KDM5A: variants seen among roughly 807,000 people sequenced by gnomAD.
KDM5A encodes the protein lysine demethylase 5A.
KDM5A carries 42 observed loss-of-function variants against 193.5 expected under a neutral mutation model. The ratio of observed to expected loss-of-function variants is 0.22; its 90% confidence interval spans 0.17 to 0.28. The LOEUF (loss-of-function observed/expected upper bound fraction) is 0.28, where lower values mean the gene tolerates loss of function less well. KDM5A is among the 10% of genes least tolerant of loss of function. KDM5A has a pLI of 1.00. For synonymous variants in KDM5A, 796 were observed against 718.1 expected, an observed-to-expected ratio of 1.11 and a Z score of -1.73; for missense variants, 1,692 against 2,055.1, an observed-to-expected ratio of 0.82 and a Z score of 3.42.
chr12:345,246 C>A (rs1445363627), intron 10 of KDM5A, among the ~76,000 whole-genome samples: 2 of 152,174 alleles, frequency 1.3e-5, no homozygotes, highest in Non-Finnish European at 2.9e-5. Context: ...GCACCCAATA[C>A]AGGAGCACCC....
chr12:382,986 CAGTT>C (rs758761857), intron 3 of KDM5A, among the ~76,000 whole-genome samples: 37 of 151,398 alleles, frequency 2.4e-4, no homozygotes, highest in Admixed American at 3.3e-4. Context: ...GCTTGCAGGT[CAGTT>C]AGTTTTTTTT....
rs140336539 is a variant in KDM5A at position 281,773 on chromosome 12, T to C, written c.*3683A>G. The C allele has an allele frequency of 4.3e-6, 1 of 233,830 alleles. No individual in the cohort carries two copies. Among genetic ancestry groups the C allele is most frequent in the African/African-American group, 2.2e-5 (1 of 45,370 alleles). 14.5% of individuals were successfully genotyped at this position (233,830 alleles called of 1,614,324 possible). A position where few individuals can be genotyped will look rare whatever the true frequency, so the allele number is the denominator to read the frequency against. On this transcript the variant is annotated 3_prime_UTR_variant, in exon 28 of 28. Coordinates refer to ENST00000399788, the MANE Select transcript of KDM5A (RefSeq NM_001042603.3). The stretch of plus-strand genomic sequence containing the variant: ...GAAAGACAGGTCTTCTCAGTTTTTC[T>C]GTTCATCCTCCTACTGTAAGTACTG...
At position 285,209 on chromosome 12, in the gene KDM5A, A is replaced by G; in HGVS notation, c.*247T>C. 1 of 567,384 alleles carries G rather than the reference A, an allele frequency of 1.8e-6. No homozygotes were observed. Among genetic ancestry groups the G allele is most frequent in the Non-Finnish European group, 3.2e-6 (1 of 317,096 alleles). 35.1% of individuals were successfully genotyped at this position (567,384 alleles called of 1,614,324 possible). On this transcript the variant is annotated 3_prime_UTR_variant, in exon 28 of 28. Coordinates refer to ENST00000399788, the MANE Select transcript of KDM5A (RefSeq NM_001042603.3). Reference sequence around the variant, plus strand: ...TAAGCATCTGGCCTTAATGCAGTAAACCACACTCAAAGGAGACATGAAATA... The same window carrying G: ...TAAGCATCTGGCCTTAATGCAGTAAGCCACACTCAAAGGAGACATGAAATA...
chr12:365,376 A>G (rs1944345296), intron 4 of KDM5A, among the ~76,000 whole-genome samples: 2 of 152,210 alleles, frequency 1.3e-5, no homozygotes, highest in Admixed American at 1.3e-4. Flanking sequence ...CTCTGAAAAC[A>G]TTAGGCTAAG....
intron 8 of KDM5A, among the ~76,000 whole-genome samples, chr12:352,616 G>A (rs577636713): frequency 6.6e-6 from 1 of 152,296 alleles, no homozygotes; most frequent in South Asian, 2.1e-4. Context: ...CTACTGACTT[G>A]GAATCATGCC....
intron 25 of KDM5A, among the ~76,000 whole-genome samples, chr12:296,250 A>AG (rs1202242177): frequency 2.7e-5 from 4 of 150,046 alleles, no homozygotes; most frequent in African/African-American, 9.8e-5. Flanking sequence ...TGAACTAGGC[A>AG]GGGGGAGGTT....
intron 2 of KDM5A, 84 bp from the exon 3 acceptor site, chr12:384,237 G>T: frequency 3.0e-6 from 3 of 996,238 alleles, no homozygotes; most frequent in Admixed American, 3.5e-5. Context: ...ACCCCAGGAT[G>T]TGGACCAGTA....
Position 342,433 on chromosome 12 carries a change from T to C in KDM5A, c.1309-8011A>G, listed in dbSNP as rs188317742. On this transcript the variant is annotated intron_variant, in intron 10 of 27. Coordinates refer to ENST00000399788, the MANE Select transcript of KDM5A (RefSeq NM_001042603.3). ...TACCCACTCAGGTGTTGAAGGAAAC[T>C]TATTTCTGGACCTACCAATAAAATG... Among the ~76,000 whole-genome samples, 229 of 152,142 alleles carry C rather than the reference T, an allele frequency of 1.5e-3. 2 individuals are homozygous for C. The highest frequency in any genetic ancestry group is 5.3e-3 in the African/African-American group (222 of 41,554).
At chr12:337,166 G>A (rs942288846) in intron 10 of KDM5A, among the ~76,000 whole-genome samples, 54 of 152,156 alleles carry the variant, frequency 3.5e-4, no homozygotes, top group African/African-American at 1.2e-3. Flanking sequence ...CATGTAAGAC[G>A]TGCCTGCTTA....
Position 385,885 on chromosome 12 carries a change from C to CA in KDM5A, c.243+11dup. The CA allele has an allele frequency of 1.2e-6, 2 of 1,609,166 alleles. No individual in the cohort carries two copies. Among genetic ancestry groups the CA allele is most frequent in the Admixed American group, 3.3e-5 (2 of 59,988 alleles). On this transcript the variant is annotated intron_variant, in intron 2 of 27. Transcript: ENST00000399788. Reference sequence around the variant, plus strand: ...ATGAATCAGGAAGCAGAAATAGTGACAAAACACTTACCTCAAGTTCATTCA... The same window carrying CA: ...ATGAATCAGGAAGCAGAAATAGTGACAAAAACACTTACCTCAAGTTCATTCA...
intron 16 of KDM5A, 132 bp from the exon 17 acceptor site, chr12:322,699 A>G: frequency 1.3e-6 from 1 of 771,402 alleles, no homozygotes. Context: ...AGAAACAAAC[A>G]GCTGTGAAAA....
intron 14 of KDM5A, among the ~76,000 whole-genome samples, chr12:325,532 T>C (rs3753156): frequency 0.36 from 53,820 of 151,600 alleles, 10,199 homozygotes; most frequent in East Asian, 0.58. Flanking sequence ...CAAAAATTAC[T>C]GGGTGTGGTG....
At position 323,605 on chromosome 12, in the gene KDM5A, A is replaced by G. The variant is rs1457854257; in HGVS notation, c.2145T>C (p.Cys715=). 103 of 1,613,910 alleles carry G rather than the reference A, an allele frequency of 6.4e-5. No individual in the cohort carries two copies. The highest frequency in any genetic ancestry group is 8.5e-5 in the Non-Finnish European group (100 of 1,179,848). Reference sequence around the variant, plus strand: ...TACAAAATACTTTTGGATACCTAAGACATTTCTTCTGCATGGGGCAGGGGC... The same window carrying G: ...TACAAAATACTTTTGGATACCTAAGGCATTTCTTCTGCATGGGGCAGGGGC... ...DLCPCPMQKK[C]LRYRYPLEDL... is the part of the protein sequence containing the mutation. The change falls in exon 15 of 28, where the codon TGT becomes TGC. Residue 715 remains cysteine, a synonymous_variant. Coordinates refer to ENST00000399788, the MANE Select transcript of KDM5A (RefSeq NM_001042603.3).
At chr12:386,366 T>C (rs1366289992) in intron 1 of KDM5A, among the ~76,000 whole-genome samples, 1 of 152,242 alleles carries the variant, frequency 6.6e-6, no homozygotes, top group East Asian at 1.9e-4. Context: ...TTGTGTATAC[T>C]GGACCGTCAG....
chr12:373,281 G>T (rs1225935698), intron 3 of KDM5A, among the ~76,000 whole-genome samples: 1 of 152,140 alleles, frequency 6.6e-6, no homozygotes, highest in Non-Finnish European at 1.5e-5. Flanking sequence ...CCTGTTATTG[G>T]TCTATTCAGG....
In KDM5A at chr12:284,550, A is replaced by C. The variant is rs1305945727; in HGVS notation, c.*906T>G. 2 of 232,778 alleles carry C rather than the reference A, an allele frequency of 8.6e-6. No individual in the cohort carries two copies. The highest frequency in any genetic ancestry group is 4.4e-5 in the African/African-American group (2 of 45,282). 14.4% of individuals were successfully genotyped at this position (232,778 alleles called of 1,614,324 possible). ...CCATGCCTGAAGCCTGGTGTCTGGA[A>C]TACTTGTGAATGAAGTTTTCCCCGA... On this transcript the variant is annotated 3_prime_UTR_variant, in exon 28 of 28. Coordinates refer to ENST00000399788, the MANE Select transcript of KDM5A (RefSeq NM_001042603.3).
intron 5 of KDM5A, among the ~76,000 whole-genome samples, chr12:358,916 A>G (rs576723815): frequency 3.9e-5 from 6 of 152,136 alleles, no homozygotes; most frequent in African/African-American, 7.2e-5. Flanking sequence ...CATTGCAGTG[A>G]GCTGAGATCA....
chr12:333,942 A>T (rs1434633566), intron 11 of KDM5A, among the ~76,000 whole-genome samples: 1 of 152,204 alleles, frequency 6.6e-6, no homozygotes, highest in East Asian at 1.9e-4. Flanking sequence ...AAGACACTAT[A>T]TGAAAAGTAA....
At chr12:311,270 A>G (rs1943582920) in intron 20 of KDM5A, 1 of 585,896 alleles carries the variant, frequency 1.7e-6, no homozygotes, top group Admixed American at 3.0e-5. Context: ...CATGTCATCA[A>G]TGATTTTATT....
Sources: gnomAD v4.1 joint callset for allele counts (sites outside exome capture counted in the v4.1 genomes callset) on GRCh38, gnomAD v4.1.1 for gene constraint, MANE v1.5 for transcripts, NCBI Gene and HGNC (gene_info 2026-07-23, HGNC 2026-07-21) for gene names.